The following VSTM2A variants were observed in gnomAD, a reference collection of about 807,000 sequenced individuals.
The protein encoded by VSTM2A is V-set and transmembrane domain-containing protein 2A.
Under a neutral mutation model 27.3 loss-of-function variants are expected in VSTM2A, and 13 were observed. That is an observed-to-expected ratio of 0.48 (90% CI 0.31 to 0.76). VSTM2A has a LOEUF of 0.76. VSTM2A is among the 30% of genes least tolerant of loss of function. The pLI is 0.05. For missense variants in VSTM2A, 280 were observed against 310.0 expected, an observed-to-expected ratio of 0.90 and a Z score of 0.73; for synonymous variants, 142 against 125.7, an observed-to-expected ratio of 1.13 and a Z score of -0.87.
intron 4 of VSTM2A, among the ~76,000 whole-genome samples, chr7:54,562,746 A>G (rs112708870): frequency 6.6e-6 from 1 of 152,270 alleles, no homozygotes; most frequent in Non-Finnish European, 1.5e-5. Flanking sequence ...CCCAACTTCA[A>G]TACACTTTCT....
intron 4 of VSTM2A, among the ~76,000 whole-genome samples, chr7:54,568,786 T>C (rs1788802466): frequency 6.6e-6 from 1 of 152,102 alleles, no homozygotes; most frequent in African/African-American, 2.4e-5. Context: ...TTCCCAGCCG[T>C]GGGGTGGCAT....
intron 4 of VSTM2A, among the ~76,000 whole-genome samples, chr7:54,556,111 T>A (rs1236998662): frequency 3.9e-5 from 6 of 152,234 alleles, no homozygotes; most frequent in Admixed American, 3.9e-4. Context: ...CAAAATACTT[T>A]TTTTAGAGGC....
chr7:54,550,362 C>A (rs1788150731), intron 4 of VSTM2A, 192 bp downstream of exon 4: 2 of 1,427,330 alleles, frequency 1.4e-6, no homozygotes, highest in Non-Finnish European at 1.8e-6. Flanking sequence ...GTGGGTGCAC[C>A]CCGTCAGTCC....
chr7:54,544,030 TGATGG>T (rs1467779748), intron 1 of VSTM2A, among the ~76,000 whole-genome samples: 1 of 152,152 alleles, frequency 6.6e-6, no homozygotes, highest in Non-Finnish European at 1.5e-5. Flanking sequence ...TACAGTGACT[TGATGG>T]GAACAAATAA....
At chr7:54,547,313 A>G (rs1788035258) in intron 3 of VSTM2A, among the ~76,000 whole-genome samples, 2 of 152,238 alleles carry the variant, frequency 1.3e-5, no homozygotes, top group Admixed American at 1.3e-4. Context: ...ATTCAAAATT[A>G]TGGAAACAAT....
chr7:54,544,920 C>T, intron 2 of VSTM2A, 132 bp downstream of exon 2: 1 of 1,129,178 alleles, frequency 8.9e-7, no homozygotes, highest in Non-Finnish European at 1.2e-6. Flanking sequence ...AGCGAGTGAC[C>T]CCCAGGGCTT....
intron 4 of VSTM2A, among the ~76,000 whole-genome samples, chr7:54,567,765 C>CT (rs11407689): frequency 0.15 from 21,982 of 149,232 alleles, 2,973 homozygotes; most frequent in African/African-American, 0.36. Context: ...ATTTTTCTTT[C>CT]TTTTTTTTTT....
At chr7:54,554,109 T>C (rs1454149367) in intron 4 of VSTM2A, 1 of 1,549,182 alleles carries the variant, frequency 6.5e-7, no homozygotes, top group East Asian at 2.4e-5. Context: ...CCCAAAGCTG[T>C]CATGCAAGTC....
intron 4 of VSTM2A, among the ~76,000 whole-genome samples, chr7:54,556,610 A>C (rs185799084): frequency 1.3e-5 from 2 of 152,330 alleles, no homozygotes; most frequent in African/African-American, 4.8e-5. Flanking sequence ...AATCATTGTA[A>C]TTCTATCATA....
intron 1 of VSTM2A, 122 bp downstream of exon 1, chr7:54,542,931 A>G: frequency 1.1e-6 from 1 of 896,722 alleles, no homozygotes; most frequent in Middle Eastern, 2.2e-4. Context: ...CTTAGGCTGT[A>G]TAAATAGTGT....
In VSTM2A at chr7:54,569,180, C is replaced by T; in HGVS notation, c.684C>T (p.Thr228=). ...CTACGGAGCGGACAGCAAAGTTGAC[C>T]CTAAACTCCAAGCACCACCCTGCAC... is the stretch of plus-strand genomic sequence containing the variant. ...VKSTERTAKL[T]LNSKHHPAPT... The change falls in exon 5 of 5, where the codon ACC becomes ACT. Residue 228 remains threonine (T), a synonymous_variant. Transcript: ENST00000402613. The T allele has an allele frequency of 6.4e-7, 1 of 1,551,842 alleles. No homozygotes were observed.
chr7:54,542,921 C>T, intron 1 of VSTM2A, 112 bp downstream of exon 1: 1 of 988,534 alleles, frequency 1.0e-6, no homozygotes. Context: ...TAACAGTGGG[C>T]TTAGGCTGTA....
chr7:54,569,548 CA>C lies in VSTM2A; in HGVS notation c.*333del, dbSNP rs1366440271. The C allele has an allele frequency of 4.2e-6, 1 of 239,470 alleles. No individual in the cohort carries two copies. The highest frequency in any genetic ancestry group is 8.6e-5 in the East Asian group (1 of 11,682). 14.8% of individuals were successfully genotyped at this position (239,470 alleles called of 1,614,324 possible). A position where few individuals can be genotyped will look rare whatever the true frequency, so the allele number is the denominator to read the frequency against. ...CTACAGAACAGAAGCTATCATCAGA[CA>C]AAACCCCCTTTTTAGGGGAAGAACA... is the stretch of plus-strand genomic sequence containing the variant. On this transcript the variant is annotated 3_prime_UTR_variant, in exon 5 of 5. Transcript: ENST00000402613.
chr7:54,546,928 G>C lies in VSTM2A; in HGVS notation c.247-19G>C, dbSNP rs373952041. On this transcript the variant is annotated intron_variant, in intron 2 of 4. Transcript: ENST00000402613. The stretch of plus-strand genomic sequence containing the variant: ...GGGCGGGCCTGGCGCGGGACTGAGC[G>C]TTCGCTCCTTGCCCGCAGGTGGAGC... 8.8e-6 allele frequency: 14 copies of C among 1,598,734 alleles called. No individual in the cohort carries two copies. Among genetic ancestry groups the C allele is most frequent in the Non-Finnish European group, 1.2e-5 (14 of 1,175,022 alleles).
intron 4 of VSTM2A, among the ~76,000 whole-genome samples, chr7:54,560,966 G>T (rs1191323357): frequency 6.6e-6 from 1 of 152,082 alleles, no homozygotes; most frequent in African/African-American, 2.4e-5. Flanking sequence ...ACCCTGAGGA[G>T]CCTGTTCGTC....
chr7:54,569,394 T>G lies in VSTM2A; in HGVS notation c.*175T>G, dbSNP rs1349477593. On this transcript the variant is annotated 3_prime_UTR_variant, in exon 5 of 5. Coordinates refer to ENST00000402613, the MANE Select transcript of VSTM2A (RefSeq NM_001301009.2). ...ATTTTTTCCCTTTTCTTTCGGCGAC[T>G]AAAATCATCTCACTGACTGCTCAAG... 8.8e-7 allele frequency: 1 copy of G among 1,140,824 alleles called. No homozygotes were observed. Among genetic ancestry groups the G allele is most frequent in the Admixed American group, 2.8e-5 (1 of 36,136 alleles). The allele number at this position is 1,140,824 out of a possible 1,614,324, so 70.7% of individuals were successfully genotyped here.
At chr7:54,542,932 T>C in intron 1 of VSTM2A, 123 bp downstream of exon 1, 1 of 890,922 alleles carries the variant, frequency 1.1e-6, no homozygotes, top group Admixed American at 2.5e-5. Flanking sequence ...TTAGGCTGTA[T>C]AAATAGTGTT....
At chr7:54,546,578 A>ACCCG (rs1787990923) in intron 2 of VSTM2A, 1 of 39,834 alleles carries the variant, frequency 2.5e-5, no homozygotes, top group Non-Finnish European at 5.6e-5. Context: ...CCGCCCGCCC[A>ACCCG]CCCACCTCCG....
chr7:54,565,461 A>T (rs970728769), intron 4 of VSTM2A, among the ~76,000 whole-genome samples: 2 of 152,248 alleles, frequency 1.3e-5, no homozygotes, highest in African/African-American at 4.8e-5. Flanking sequence ...ATGACTGCAG[A>T]TGCAGGGAAA....
Sources: allele counts gnomAD v4.1 joint callset (sites outside exome capture counted in the v4.1 genomes callset), GRCh38; gene constraint gnomAD v4.1.1; transcripts MANE v1.5; gene names NCBI Gene and HGNC (gene_info 2026-07-23, HGNC 2026-07-21).